Variants in SPECC1 observed in about 807,000 individuals in gnomAD.
SPECC1 encodes cytospin-B.
In SPECC1, 62 loss-of-function variants were observed where a neutral mutation model predicts 104.1. The observed-to-expected ratio is 0.60, with a 90% CI of 0.49 to 0.74. SPECC1 has a LOEUF of 0.74. Ranked by LOEUF, SPECC1 falls within the 30% of genes least tolerant of loss-of-function variation. The pLI is 0.00. For synonymous variants in SPECC1, 513 were observed against 501.6 expected, an observed-to-expected ratio of 1.02 and a Z score of -0.30; for missense variants, 1,306 against 1,310.5, an observed-to-expected ratio of 1.00 and a Z score of 0.05.
At chr17:20,227,122 C>T (rs536405472) in intron 4 of SPECC1, among the ~76,000 whole-genome samples, 1 of 152,258 alleles carries the variant, frequency 6.6e-6, no homozygotes, top group Admixed American at 6.5e-5. Flanking sequence ...AGAATCCAGC[C>T]ATTTGGAAGC....
intron 1 of SPECC1, among the ~76,000 whole-genome samples, chr17:20,091,296 G>C (rs1208119970): frequency 6.6e-6 from 1 of 152,178 alleles, no homozygotes; most frequent in Non-Finnish European, 1.5e-5. Context: ...GATTCCGTCA[G>C]CTGCGCCCCA....
intron 3 of SPECC1, among the ~76,000 whole-genome samples, chr17:20,195,190 G>C (rs1480292524): frequency 6.6e-6 from 1 of 152,130 alleles, no homozygotes; most frequent in East Asian, 1.9e-4. Flanking sequence ...ATGCATTGAA[G>C]AACACCTGTT....
intron 2 of SPECC1, among the ~76,000 whole-genome samples, chr17:20,103,063 C>T (rs962590631): frequency 2.0e-5 from 3 of 152,158 alleles, no homozygotes; most frequent in Non-Finnish European, 2.9e-5. Context: ...CTGGCAGAGC[C>T]AGGATTCAGA....
intron 14 of SPECC1, among the ~76,000 whole-genome samples, chr17:20,313,763 G>A (rs1305742111): frequency 2.0e-5 from 3 of 152,180 alleles, no homozygotes; most frequent in Non-Finnish European, 4.4e-5. Flanking sequence ...CATGTTTTCC[G>A]TTTTTGGAAA....
intron 3 of SPECC1, 143 bp downstream of exon 3, chr17:20,110,705 ACGATGTCGCTGCC>A: frequency 1.0e-6 from 1 of 1,000,276 alleles, no homozygotes; most frequent in South Asian, 2.3e-5. Flanking sequence ...TTTTAGGCAG[ACGATGTCGCTGCC>A]CACAGGGAGT....
chr17:20,274,511 T>G (rs1364927060), intron 12 of SPECC1, among the ~76,000 whole-genome samples: 6 of 146,132 alleles, frequency 4.1e-5, no homozygotes, highest in African/African-American at 1.5e-4. Flanking sequence ...TTTTTTCTTT[T>G]TTTTTTTTTT....
At chr17:20,203,795 G>A (rs146810876) in intron 3 of SPECC1, among the ~76,000 whole-genome samples, 1 of 152,316 alleles carries the variant, frequency 6.6e-6, no homozygotes, top group East Asian at 1.9e-4. Flanking sequence ...CCAGCTCAAG[G>A]TGACTTATAG....
chr17:20,251,224 C>CAAAAAAAAAAAAAAAAAAAAAA lies in SPECC1; in HGVS notation c.2599-2264_2599-2263insAAAAAAAAAAAAAAAAAAAAAA, dbSNP rs58071050. 3.8e-3 allele frequency among the ~76,000 whole-genome samples: 192 copies of CAAAAAAAAAAAAAAAAAAAAAA among 50,998 alleles called. 38 individuals carry two copies. Among genetic ancestry groups the CAAAAAAAAAAAAAAAAAAAAAA allele is most frequent in the African/African-American group, 9.1e-3 (96 of 10,496 alleles). The allele number at this position is 50,998 out of a possible 152,430, so 33.5% of individuals were successfully genotyped here. On this transcript the variant is annotated intron_variant, in intron 9 of 14. Transcript: ENST00000395527. Reference sequence around the variant, plus strand: ...TGGGCGACAGAGTAAGACTCTATCTCAAAAAAAAAAAAAAAAAGCATATGG... The same window carrying CAAAAAAAAAAAAAAAAAAAAAA: ...TGGGCGACAGAGTAAGACTCTATCTCAAAAAAAAAAAAAAAAAAAAAAAAAAAAAAAAAAAAAAAGCATATGG...
At chr17:20,309,105 A>AAGGC (rs1210490136) in intron 14 of SPECC1, among the ~76,000 whole-genome samples, 1 of 152,126 alleles carries the variant, frequency 6.6e-6, no homozygotes, top group Non-Finnish European at 1.5e-5. Context: ...ATTAATCTCA[A>AAGGC]AGGCACTTAG....
At chr17:20,125,504 G>A (rs1440996743) in intron 3 of SPECC1, among the ~76,000 whole-genome samples, 1 of 152,194 alleles carries the variant, frequency 6.6e-6, no homozygotes, top group South Asian at 2.1e-4. Flanking sequence ...TCAAGCTTAC[G>A]CATCTGTACC....
intron 2 of SPECC1, among the ~76,000 whole-genome samples, chr17:20,110,023 C>T (rs2048405821): frequency 1.3e-5 from 2 of 151,988 alleles, no homozygotes; most frequent in Admixed American, 1.3e-4. Context: ...AAAATATTAG[C>T]GAGACAGAGT....
rs370747928 is a variant in SPECC1 at position 20,072,524 on chromosome 17, C to A, written c.-21-24107C>A. ...AGTGCATTGTGCCTGTTGTCTCCTTCAAGGCAAAGCTGGATGGCCATGAGA... is the reference window on the plus strand; with the variant it reads ...AGTGCATTGTGCCTGTTGTCTCCTTAAAGGCAAAGCTGGATGGCCATGAGA... On this transcript the variant is annotated intron_variant, in intron 1 of 14. Coordinates refer to ENST00000395527, the MANE Select transcript of SPECC1 (RefSeq NM_001243439.2). 3.3e-5 allele frequency among the ~76,000 whole-genome samples: 5 copies of A among 152,342 alleles called. No individual in the cohort carries two copies. In the East Asian group the frequency reaches 9.6e-4, roughly 29 times the overall value.
intron 2 of SPECC1, among the ~76,000 whole-genome samples, chr17:20,100,161 C>G (rs533502394): frequency 6.6e-6 from 1 of 152,300 alleles, no homozygotes; most frequent in Middle Eastern, 3.4e-3. Flanking sequence ...TAGGGGCCTT[C>G]TGCTCTCCTT....
intron 1 of SPECC1, among the ~76,000 whole-genome samples, chr17:20,059,156 C>G (rs2046086191): frequency 6.6e-6 from 1 of 151,892 alleles, no homozygotes; most frequent in Non-Finnish European, 1.5e-5. Flanking sequence ...GCCTTTATTT[C>G]TATTATTATT....
At chr17:20,273,038 A>G in intron 12 of SPECC1, among the ~76,000 whole-genome samples, 1 of 152,176 alleles carries the variant, frequency 6.6e-6, no homozygotes. Flanking sequence ...GCCTGCGACT[A>G]TGTTCCTGTG....
At chr17:20,030,489 A>C (rs1272110813) in intron 1 of SPECC1, among the ~76,000 whole-genome samples, 2 of 152,078 alleles carry the variant, frequency 1.3e-5, no homozygotes, top group East Asian at 3.8e-4. Flanking sequence ...TTAGCCTAGT[A>C]ACAGCTTTGT....
At chr17:20,213,643 G>C (rs771970216) in intron 4 of SPECC1, among the ~76,000 whole-genome samples, 2 of 152,198 alleles carry the variant, frequency 1.3e-5, no homozygotes, top group Non-Finnish European at 2.9e-5. Flanking sequence ...ACCTCTACCT[G>C]AGTCTTGAGG....
In SPECC1 at chr17:20,250,417, A is replaced by G. The variant is rs377262739; in HGVS notation, c.2599-3088A>G. 1.4e-4 allele frequency among the ~76,000 whole-genome samples: 21 copies of G among 152,366 alleles called. No individual in the cohort carries two copies. In the East Asian group the frequency reaches 3.7e-3, roughly 27 times the overall value. On this transcript the variant is annotated intron_variant, in intron 9 of 14. Coordinates refer to ENST00000395527, the MANE Select transcript of SPECC1 (RefSeq NM_001243439.2). ...AAAATTACCTGTATCAGGAATTTGT[A>G]AATGGGTACATCACTAAAGATTTCA...
intron 1 of SPECC1, among the ~76,000 whole-genome samples, chr17:20,079,318 A>G (rs1388466828): frequency 6.6e-6 from 1 of 151,990 alleles, no homozygotes; most frequent in Admixed American, 6.6e-5. Flanking sequence ...ATGTATTTTT[A>G]GAGACAGGGT....
Sources: gnomAD v4.1 joint callset for allele counts (sites outside exome capture counted in the v4.1 genomes callset) on GRCh38, gnomAD v4.1.1 for gene constraint, MANE v1.5 for transcripts, NCBI Gene and HGNC (gene_info 2026-07-23, HGNC 2026-07-21) for gene names.